The following RYR3 variants were observed in gnomAD, a reference collection of about 807,000 sequenced individuals.
RYR3 encodes ryanodine receptor 3.
RYR3 carries 207 observed loss-of-function variants against 584.3 expected under a neutral mutation model. That is an observed-to-expected ratio of 0.35 (90% confidence interval 0.32 to 0.40). The LOEUF (loss-of-function observed/expected upper bound fraction) is 0.40. Ranked by LOEUF, RYR3 falls within the 10% of genes least tolerant of loss-of-function variation. The pLI is 1.00. For missense variants in RYR3, 5,616 were observed against 6,089.2 expected, an observed-to-expected ratio of 0.92 and a Z score of 2.59; for synonymous variants, 2,416 against 2,248.5, an observed-to-expected ratio of 1.07 and a Z score of -2.11.
At chr15:33,811,243 C>G (rs1470258917) in intron 72 of RYR3, among the ~76,000 whole-genome samples, 1 of 152,114 alleles carries the variant, frequency 6.6e-6, no homozygotes, top group Non-Finnish European at 1.5e-5. Flanking sequence ...CGGTGGCTCA[C>G]ACCTGTAATC....
At chr15:33,625,917 A>G (rs1425189651) in intron 20 of RYR3, among the ~76,000 whole-genome samples, 3 of 152,104 alleles carry the variant, frequency 2.0e-5, no homozygotes, top group African/African-American at 4.8e-5. Context: ...CCCATCCTGT[A>G]TCATTTGTTT....
intron 8 of RYR3, among the ~76,000 whole-genome samples, chr15:33,546,344 C>G (rs1349791981): frequency 1.3e-5 from 2 of 152,154 alleles, no homozygotes; most frequent in Non-Finnish European, 2.9e-5. Context: ...GCAAATTTTC[C>G]TAAGTGGCTA....
intron 42 of RYR3, among the ~76,000 whole-genome samples, chr15:33,702,681 G>A (rs2066392911): frequency 6.6e-6 from 1 of 152,058 alleles, no homozygotes; most frequent in African/African-American, 2.4e-5. Context: ...CACAGAGGGT[G>A]GTTGAAGCGC....
Position 33,647,443 on chromosome 15 carries a change from C to G in RYR3, c.3961C>G (p.Leu1321Val). ...CCCCAGGAAACAGATGCAAGAAATA[C>G]TCTCTCATACAACAACAGTAAGTAA... is the stretch of plus-strand genomic sequence containing the variant. ...FQKRKQMQEI[L>V]SHTTTQCYYA... The change falls in exon 30 of 104, where the codon CTC becomes GTC. Residue 1321 changes from leucine (L) to valine (V), a missense_variant. Leu to Val is a conservative substitution (Grantham distance 32). Transcript: ENST00000634891. The G allele has an allele frequency of 6.2e-7, 1 of 1,606,332 alleles. No homozygotes were observed. Among genetic ancestry groups the G allele is most frequent in the Non-Finnish European group, 8.5e-7 (1 of 1,173,170 alleles).
chr15:33,533,533 T>A, intron 5 of RYR3, 144 bp downstream of exon 5: 1 of 597,356 alleles, frequency 1.7e-6, no homozygotes, highest in Non-Finnish European at 3.0e-6. Flanking sequence ...TGCAGAATAA[T>A]GAACTAGAGA....
At position 33,865,593 on chromosome 15, in the gene RYR3, C is replaced by T. The variant is rs1285237858; in HGVS notation, c.*367C>T. 5.3e-6 allele frequency: 1 copy of T among 189,164 alleles called. No homozygotes were observed. Among genetic ancestry groups the T allele is most frequent in the Non-Finnish European group, 1.1e-5 (1 of 90,318 alleles). The allele number at this position is 189,164 out of a possible 1,614,324, so 11.7% of individuals were successfully genotyped here. On this transcript the variant is annotated 3_prime_UTR_variant, in exon 104 of 104. Coordinates refer to ENST00000634891, the MANE Select transcript of RYR3 (RefSeq NM_001036.6). ...TGTGTAATACCTGAAAATTTAAACACTTGAATGTCATCATGGTATCCAACT... is the reference window on the plus strand; with the variant it reads ...TGTGTAATACCTGAAAATTTAAACATTTGAATGTCATCATGGTATCCAACT...
chr15:33,835,135 T>C lies in RYR3; in HGVS notation c.11568+63T>C, dbSNP rs192610156. ...AAATGCTAAGTCAGTCCTCACTCCT[T>C]GGTGTTCCCATTGTGATGTGGCTGC... is the stretch of plus-strand genomic sequence containing the variant. On this transcript the variant is annotated intron_variant, in intron 87 of 103. Coordinates refer to ENST00000634891, the MANE Select transcript of RYR3 (RefSeq NM_001036.6). The C allele has an allele frequency of 4.2e-5, 52 of 1,239,088 alleles. No individual in the cohort carries two copies. The African/African-American group carries it at 6.5e-4, about 15-fold the overall frequency. 76.8% of individuals were successfully genotyped at this position (1,239,088 alleles called of 1,614,324 possible).
At chr15:33,479,719 G>A (rs576679452) in intron 2 of RYR3, among the ~76,000 whole-genome samples, 3 of 152,022 alleles carry the variant, frequency 2.0e-5, no homozygotes, top group Admixed American at 1.3e-4. Flanking sequence ...AAAGAGTATC[G>A]TGGATCCAGC....
intron 99 of RYR3, chr15:33,858,235 G>C (rs1473811952): frequency 4.1e-6 from 1 of 245,902 alleles, no homozygotes; most frequent in African/African-American, 2.2e-5. Flanking sequence ...ATGGAGTTTT[G>C]CTTTTGTCGC....
At chr15:33,585,755 C>T (rs924005130) in intron 15 of RYR3, among the ~76,000 whole-genome samples, 7 of 152,088 alleles carry the variant, frequency 4.6e-5, no homozygotes, top group South Asian at 2.1e-4. Flanking sequence ...GTCCAGGAAG[C>T]GGGAGATAGG....
At chr15:33,724,899 G>A (rs2068231596) in intron 45 of RYR3, among the ~76,000 whole-genome samples, 1 of 151,916 alleles carries the variant, frequency 6.6e-6, no homozygotes, top group Non-Finnish European at 1.5e-5. Context: ...CCATTTCTGT[G>A]CCTTTAAGTA....
intron 51 of RYR3, among the ~76,000 whole-genome samples, chr15:33,741,598 AGTTTTGTTTTGTTTT>A (rs72331426): frequency 6.6e-6 from 1 of 151,230 alleles, no homozygotes; most frequent in Admixed American, 6.6e-5. Context: ...CCAAAATTCT[AGTTTTGTTTTGTTTT>A]GTTTTGTTTT....
At chr15:33,642,739 A>T (rs1048603385) in intron 27 of RYR3, among the ~76,000 whole-genome samples, 1 of 152,230 alleles carries the variant, frequency 6.6e-6, no homozygotes, top group African/African-American at 2.4e-5. Context: ...ATACAGAAGC[A>T]TAGTAGTGCT....
At chr15:33,521,597 A>AG (rs143657006) in intron 3 of RYR3, among the ~76,000 whole-genome samples, 3,922 of 152,296 alleles carry the variant, frequency 0.026, 63 homozygotes, top group Non-Finnish European at 0.041. Flanking sequence ...AAAAAATCAA[A>AG]GGAGTGCCTT....
At chr15:33,558,093 A>T (rs11634809) in intron 10 of RYR3, among the ~76,000 whole-genome samples, 94,354 of 144,892 alleles carry the variant, frequency 0.65, 30,863 homozygotes, top group Middle Eastern at 0.8. Flanking sequence ...ATTCTTTTTT[A>T]AATTTATTTG....
intron 46 of RYR3, among the ~76,000 whole-genome samples, chr15:33,727,057 C>T (rs1001597827): frequency 3.9e-5 from 6 of 152,218 alleles, no homozygotes; most frequent in East Asian, 1.9e-4. Context: ...ATGGGACAAG[C>T]GAAAGCTCTC....
intron 67 of RYR3, among the ~76,000 whole-genome samples, chr15:33,794,117 AT>A (rs1463142867): frequency 2.3e-5 from 3 of 130,350 alleles, no homozygotes; most frequent in Admixed American, 8.5e-5. Context: ...TATAATATAC[AT>A]AAATATATAT....
At chr15:33,352,300 TA>T (rs1282660585) in intron 1 of RYR3, among the ~76,000 whole-genome samples, 1 of 152,214 alleles carries the variant, frequency 6.6e-6, no homozygotes, top group African/African-American at 2.4e-5. Flanking sequence ...CTCATCCTCT[TA>T]CCAGTGTCTT....
At chr15:33,336,536 AGGAGG>A (rs1971099468) in intron 1 of RYR3, among the ~76,000 whole-genome samples, 3 of 79,706 alleles carry the variant, frequency 3.8e-5, no homozygotes. Flanking sequence ...GAAGGAGGGA[AGGAGG>A]GAAGGAGGGA....
Sources: gnomAD v4.1 joint callset for allele counts (sites outside exome capture counted in the v4.1 genomes callset) on GRCh38, gnomAD v4.1.1 for gene constraint, MANE v1.5 for transcripts, NCBI Gene and HGNC (gene_info 2026-07-23, HGNC 2026-07-21) for gene names.